FCRLB: variants seen among roughly 807,000 people sequenced by gnomAD.
The protein encoded by FCRLB is Fc receptor-like B.
A neutral mutation model predicts 33.6 loss-of-function variants in FCRLB; 34 were observed. The observed-to-expected ratio is 1.01, with a 90% CI of 0.77 to 1.35. The LOEUF is 1.35. Among genes scored for constraint, FCRLB ranks in the 40% most tolerant of loss-of-function variants. FCRLB has a pLI of 0.00. For synonymous variants in FCRLB, 280 were observed against 255.9 expected, an observed-to-expected ratio of 1.09 and a Z score of -0.90; for missense variants, 560 against 580.2, an observed-to-expected ratio of 0.97 and a Z score of 0.36.
chr1:161,725,705 T>C (rs1683517451), intron 5 of FCRLB, 116 bp from the exon 6 acceptor site: 3 of 1,225,002 alleles, frequency 2.4e-6, no homozygotes, highest in Non-Finnish European at 2.3e-6. Context: ...CGGTGGGAGA[T>C]GGCGGGGAAG....
rs1054888778 is a variant in FCRLB at position 161,726,768 on chromosome 1, G to A, written c.640G>A (p.Gly214Arg). ...GGAGGCCCGCGGCGCGGCGCTGGGT[G>A]GGGTGGTGCTGCGCTGCGACACGCG... The change falls in exon 7 of 8, where the codon GGG (glycine) becomes AGG (arginine). Residue 214 changes from glycine (G) to arginine (R), a missense_variant. Coordinates refer to ENST00000367948, the Ensembl canonical transcript of FCRLB. This position sits in a 1 kb window ranked among gnomAD's most constrained non-coding sequence, Gnocchi z 5.2. 2 of 1,581,968 alleles carry A rather than the reference G, an allele frequency of 1.3e-6. No homozygotes were observed. Among genetic ancestry groups the A allele is most frequent in the Admixed American group, 1.8e-5 (1 of 55,922 alleles).
Position 161,727,246 on chromosome 1 carries a change from G to A in FCRLB, c.866-1G>A. ...CGTGACTGGGCGTAATGCATTCACA[G>A]GTTCTCCCCTGGACCCGGCCTCCAC... is the stretch of plus-strand genomic sequence containing the variant. On this transcript the variant is annotated splice_acceptor_variant, in intron 7 of 7. Coordinates refer to ENST00000367948, the Ensembl canonical transcript of FCRLB. LOFTEE classifies it high-confidence loss of function. 6.3e-7 allele frequency: 1 copy of A among 1,593,816 alleles called. No individual in the cohort carries two copies. Among genetic ancestry groups the A allele is most frequent in the Non-Finnish European group, 8.6e-7 (1 of 1,168,142 alleles).
chr1:161,726,826 A>G lies in FCRLB; in HGVS notation c.698A>G (p.Gln233Arg), dbSNP rs1477903677. Reference sequence around the variant, plus strand: ...CCGCAGAAGCGCGACACGCCGCTGCAGTTCGCGTTTTACAAGTACAGCCGC... The same window carrying G: ...CCGCAGAAGCGCGACACGCCGCTGCGGTTCGCGTTTTACAAGTACAGCCGC... Residue 233 changes from glutamine (Q) to arginine (R), a missense_variant, in exon 7 of 8, where the codon CAG becomes CGG. Coordinates refer to ENST00000367948, the Ensembl canonical transcript of FCRLB. This position sits in a 1 kb window ranked among gnomAD's most constrained non-coding sequence, Gnocchi z 5.2. 6.4e-7 allele frequency: 1 copy of G among 1,570,730 alleles called. No individual in the cohort carries two copies. The highest frequency in any genetic ancestry group is 8.6e-7 in the Non-Finnish European group (1 of 1,158,420).
chr1:161,723,342 C>T (rs1557931033), intron 4 of FCRLB, 25 bp from the exon 5 acceptor site: 5 of 1,609,980 alleles, frequency 3.1e-6, no homozygotes. Context: ...CATGCTGCCC[C>T]CTCTCACCCC....
In FCRLB at chr1:161,721,764, C is replaced by T. The variant is rs1683382591; in HGVS notation, c.-107C>T. ...TCTCCTCATTGCTCAGGTACGGTCA[C>T]ATGGCTCAGAAAGCACAAGAAGTAG... On this transcript the variant is annotated 5_prime_UTR_variant, in exon 2 of 8. Transcript: ENST00000367948. 2.6e-5 allele frequency: 4 copies of T among 152,240 alleles called. No homozygotes were observed. The South Asian group carries it at 8.3e-4, about 32-fold the overall frequency. 9.4% of individuals were successfully genotyped at this position (152,240 alleles called of 1,614,324 possible).
chr1:161,722,732 C>A (rs1440298542), intron 3 of FCRLB, 29 bp downstream of exon 3: 13 of 1,613,020 alleles, frequency 8.1e-6, no homozygotes, highest in Non-Finnish European at 1.1e-5. Flanking sequence ...AGCAGAAGAG[C>A]TTTGGGTGGT....
rs1683597975 is a variant in FCRLB at position 161,726,936 on chromosome 1, G to C, written c.808G>C (p.Ala270Pro). Residue 270 changes from alanine (A) to proline (P), a missense_variant, in exon 7 of 8, where the codon GCT (alanine) becomes CCT (proline). Coordinates refer to ENST00000367948, the Ensembl canonical transcript of FCRLB. The surrounding 1 kb of genome is among the most constrained non-coding windows in gnomAD (Gnocchi z 5.2). ...GCTCGAATCGTACTGGTGCGAGGCG[G>C]CTACCGCCACCCGCAGTGTCCGGAA... 6.4e-7 allele frequency: 1 copy of C among 1,558,566 alleles called. No individual in the cohort carries two copies. The highest frequency in any genetic ancestry group is 8.7e-7 in the Non-Finnish European group (1 of 1,151,008).
rs991632825 is a variant in FCRLB at position 161,727,037 on chromosome 1, G to A, written c.865+44G>A. On this transcript the variant is annotated intron_variant, in intron 7 of 7. Coordinates refer to ENST00000367948, the Ensembl canonical transcript of FCRLB. ...TCCCGGACGCCGACCCTGGCGGTCA[G>A]CCCTGCTTCCGCCTCTCGGCACCCA... is the stretch of plus-strand genomic sequence containing the variant. 2.1e-6 allele frequency: 3 copies of A among 1,452,608 alleles called. No individual in the cohort carries two copies. The East Asian group carries it at 7.5e-5, about 36-fold the overall frequency. 90.0% of individuals were successfully genotyped at this position (1,452,608 alleles called of 1,614,324 possible). A position where few individuals can be genotyped will look rare whatever the true frequency, so the allele number is the denominator to read the frequency against.
At position 161,726,096 on chromosome 1, in the gene FCRLB, G is replaced by C. The variant is rs375748940; in HGVS notation, c.574+9G>C. The C allele has an allele frequency of 8.1e-6, 13 of 1,605,604 alleles. No homozygotes were observed. The African/African-American group carries it at 9.4e-5, about 12-fold the overall frequency. On this transcript the variant is annotated intron_variant, in intron 6 of 7. Transcript: ENST00000367948. The surrounding 1 kb of genome is among the most constrained non-coding windows in gnomAD (Gnocchi z 5.2). ...GGCTGTGACAGTGCAAGGTGGGAGA[G>C]ACCAGGGGCCCCGGGAGGGAGGCAA...
At chr1:161,725,328 G>T (rs929308900) in intron 5 of FCRLB, among the ~76,000 whole-genome samples, 3 of 152,182 alleles carry the variant, frequency 2.0e-5, no homozygotes, top group Non-Finnish European at 4.4e-5. Flanking sequence ...AACCACCAGG[G>T]AAGGCCTGTC....
At position 161,727,210 on chromosome 1, in the gene FCRLB, T is replaced by C. The variant is rs201080575; in HGVS notation, c.866-37T>C. 1,367 of 1,394,546 alleles carry C rather than the reference T, an allele frequency of 9.8e-4. 4 individuals carry two copies. Among genetic ancestry groups the C allele is most frequent in the Middle Eastern group, 4.6e-3 (17 of 3,712 alleles). 86.4% of individuals were successfully genotyped at this position (1,394,546 alleles called of 1,614,324 possible). On this transcript the variant is annotated intron_variant, in intron 7 of 7. Coordinates refer to ENST00000367948, the Ensembl canonical transcript of FCRLB. The stretch of plus-strand genomic sequence containing the variant: ...CCCAGCCCAGCGCCGAGAAGAACCA[T>C]GCAAGCCGCGCGTGACTGGGCGTAA...
Position 161,726,326 on chromosome 1 carries a change from C to T in FCRLB, c.574+239C>T, listed in dbSNP as rs746630501. ...TGGCTTCTCACTCTGGCTGGGGACT[C>T]CCACAGAGAGGGCAGCTCTGGCAGG... On this transcript the variant is annotated intron_variant, in intron 6 of 7. Coordinates refer to ENST00000367948, the Ensembl canonical transcript of FCRLB. This position sits in a 1 kb window ranked among gnomAD's most constrained non-coding sequence, Gnocchi z 5.2. 87 of 795,908 alleles carry T rather than the reference C, an allele frequency of 1.1e-4. No homozygotes were observed. Among genetic ancestry groups the T allele is most frequent in the Non-Finnish European group, 1.7e-4 (81 of 472,338 alleles). The allele number at this position is 795,908 out of a possible 1,614,324, so 49.3% of individuals were successfully genotyped here. A position where few individuals can be genotyped will look rare whatever the true frequency, so the allele number is the denominator to read the frequency against.
intron 4 of FCRLB, 110 bp from the exon 5 acceptor site, chr1:161,723,257 G>A (rs1683433113): frequency 1.5e-6 from 2 of 1,360,132 alleles, no homozygotes; most frequent in Admixed American, 1.8e-5. Context: ...ATGGGCTGGG[G>A]CCTGCGAGCT....
chr1:161,725,572 G>A (rs1233653380), intron 5 of FCRLB, among the ~76,000 whole-genome samples: 2 of 152,160 alleles, frequency 1.3e-5, no homozygotes, highest in African/African-American at 4.8e-5. Flanking sequence ...AACCCAAGAG[G>A]TGGAGGTTGC....
chr1:161,727,646 C>T (rs774761764), exon 8 of FCRLB: 1 of 1,608,288 alleles, frequency 6.2e-7, no homozygotes, highest in East Asian at 2.2e-5. Flanking sequence ...CCAGAGACCA[C>T]TCCTGTGGAG....
At position 161,726,321 on chromosome 1, in the gene FCRLB, G is replaced by C. The variant is rs1683558737; in HGVS notation, c.574+234G>C. The C allele has an allele frequency of 2.5e-6, 2 of 812,072 alleles. No homozygotes were observed. The highest frequency in any genetic ancestry group is 4.1e-6 in the Non-Finnish European group (2 of 486,820). 50.3% of individuals were successfully genotyped at this position (812,072 alleles called of 1,614,324 possible). The stretch of plus-strand genomic sequence containing the variant: ...CATCCTGGCTTCTCACTCTGGCTGG[G>C]GACTCCCACAGAGAGGGCAGCTCTG... On this transcript the variant is annotated intron_variant, in intron 6 of 7. Transcript: ENST00000367948. The surrounding 1 kb of genome is among the most constrained non-coding windows in gnomAD (Gnocchi z 5.2).
intron 5 of FCRLB, among the ~76,000 whole-genome samples, chr1:161,723,873 G>T (rs1455872300): frequency 6.6e-6 from 1 of 152,196 alleles, no homozygotes; most frequent in Non-Finnish European, 1.5e-5. Context: ...ATTTCTGTTT[G>T]TTTCTGAGAC....
At chr1:161,722,843 G>A in intron 3 of FCRLB, 140 bp downstream of exon 3, 1 of 1,482,910 alleles carries the variant, frequency 6.7e-7, no homozygotes, top group Non-Finnish European at 9.3e-7. Context: ...GAAGAAGAAG[G>A]GGCTTTCTCA....
chr1:161,726,151 C>A lies in FCRLB; in HGVS notation c.574+64C>A. 1 of 1,609,524 alleles carries A rather than the reference C, an allele frequency of 6.2e-7. No individual in the cohort carries two copies. Among genetic ancestry groups the A allele is most frequent in the African/African-American group, 1.3e-5 (1 of 74,968 alleles). On this transcript the variant is annotated intron_variant, in intron 6 of 7. Coordinates refer to ENST00000367948, the Ensembl canonical transcript of FCRLB. The surrounding 1 kb of genome is among the most constrained non-coding windows in gnomAD (Gnocchi z 5.2). Reference sequence around the variant, plus strand: ...GCATTGAGAAATTCTGGGACAGGAGCTCGGCGAGAAAAGAAGGGGCGGAAG... The same window carrying A: ...GCATTGAGAAATTCTGGGACAGGAGATCGGCGAGAAAAGAAGGGGCGGAAG...
Sources: allele counts gnomAD v4.1 joint callset (sites outside exome capture counted in the v4.1 genomes callset), GRCh38; gene constraint gnomAD v4.1.1; non-coding constraint Gnocchi (gnomAD v3.1); transcripts MANE v1.5; gene names NCBI Gene and HGNC (gene_info 2026-07-23, HGNC 2026-07-21).